Variants in EPB41L5 observed in about 807,000 individuals in gnomAD.
EPB41L5 encodes the protein band 4.1-like protein 5.
EPB41L5 carries 55 observed loss-of-function variants against 106.6 expected under a neutral mutation model. That is an observed-to-expected ratio of 0.52 (90% CI 0.42 to 0.65). The LOEUF is 0.65. EPB41L5 is among the 30% of genes least tolerant of loss of function. EPB41L5 has a pLI of 0.00. For synonymous variants in EPB41L5, 297 were observed against 306.7 expected (o/e 0.97, Z 0.33); for missense variants, 871 against 882.1 (o/e 0.99, Z 0.16).
At chr2:120,166,632 T>C (rs1687424376) in intron 22 of EPB41L5, among the ~76,000 whole-genome samples, 1 of 152,228 alleles carries the variant, frequency 6.6e-6, no homozygotes, top group South Asian at 2.1e-4. Context: ...GAGGCAGGGT[T>C]TCACCATGTT....
intron 16 of EPB41L5, among the ~76,000 whole-genome samples, chr2:120,109,140 C>G (rs1179701799): frequency 6.6e-6 from 1 of 152,086 alleles, no homozygotes; most frequent in Non-Finnish European, 1.5e-5. Context: ...CCTTGAATTT[C>G]TTGACCCTCT....
intron 20 of EPB41L5, among the ~76,000 whole-genome samples, chr2:120,148,868 T>C (rs909811625): frequency 6.6e-6 from 1 of 152,234 alleles, no homozygotes; most frequent in African/African-American, 2.4e-5. Context: ...CTCCTTAGTA[T>C]ATACCTAGGA....
At chr2:120,106,785 C>T (rs990652073) in intron 16 of EPB41L5, 2 of 985,268 alleles carry the variant, frequency 2.0e-6, no homozygotes, top group South Asian at 4.7e-5. Context: ...AGATCATCGT[C>T]TCTTTTTGTT....
chr2:120,066,250 A>G (rs1681436062), intron 3 of EPB41L5, among the ~76,000 whole-genome samples: 1 of 152,210 alleles, frequency 6.6e-6, no homozygotes, highest in African/African-American at 2.4e-5. Flanking sequence ...AATATAGGAA[A>G]GCACAAGGAA....
intron 16 of EPB41L5, chr2:120,106,693 T>A (rs1684472066): frequency 1.0e-6 from 1 of 985,196 alleles, no homozygotes; most frequent in Non-Finnish European, 1.2e-6. Context: ...TTTTGACTGT[T>A]TTTACAGTCA....
chr2:120,102,446 C>T (rs1224161578), intron 16 of EPB41L5, among the ~76,000 whole-genome samples: 2 of 152,006 alleles, frequency 1.3e-5, no homozygotes, highest in African/African-American at 4.8e-5. Context: ...GGGCATGGAA[C>T]TGAATATAGA....
At chr2:120,075,605 A>G (rs946707643) in intron 6 of EPB41L5, 85 bp downstream of exon 6, 2 of 1,423,570 alleles carry the variant, frequency 1.4e-6, no homozygotes, top group African/African-American at 2.8e-5. Flanking sequence ...AGTTGTAAAA[A>G]AGAAATGGTC....
intron 3 of EPB41L5, among the ~76,000 whole-genome samples, chr2:120,046,735 A>G (rs1679805943): frequency 6.6e-6 from 1 of 152,234 alleles, no homozygotes; most frequent in South Asian, 2.1e-4. Context: ...GTCCTTGCCC[A>G]TGCCTATATC....
chr2:120,167,601 G>A, intron 23 of EPB41L5, 94 bp downstream of exon 23: 1 of 1,332,730 alleles, frequency 7.5e-7, no homozygotes, highest in Non-Finnish European at 1.1e-6. Context: ...TTAAAAACAT[G>A]AGGGTTGTTA....
At chr2:120,043,846 TA>T (rs1679588593) in intron 3 of EPB41L5, among the ~76,000 whole-genome samples, 1 of 152,150 alleles carries the variant, frequency 6.6e-6, no homozygotes, top group African/African-American at 2.4e-5. Context: ...TGAATTTTTC[TA>T]TTTTTTAAAA....
At chr2:120,078,669 C>A in intron 10 of EPB41L5, 88 bp downstream of exon 10, 1 of 856,568 alleles carries the variant, frequency 1.2e-6, no homozygotes, top group Non-Finnish European at 1.8e-6. Context: ...GTTTGGAAAT[C>A]AAATAGTTTT....
intron 16 of EPB41L5, among the ~76,000 whole-genome samples, chr2:120,117,107 T>C (rs1442419527): frequency 6.6e-6 from 1 of 152,184 alleles, no homozygotes; most frequent in Non-Finnish European, 1.5e-5. Flanking sequence ...TTTCTTCAGG[T>C]TAAGAAATAG....
rs948141008 is a variant in EPB41L5 at position 120,175,619 on chromosome 2, G to A, written c.*712G>A. 9.2e-5 allele frequency: 14 copies of A among 151,974 alleles called. No individual in the cohort carries two copies. The highest frequency in any genetic ancestry group is 9.2e-4 in the Admixed American group (14 of 15,244). 9.4% of individuals were successfully genotyped at this position (151,974 alleles called of 1,614,324 possible). ...TTTTTTTCACCCTGCCTTTCCACAG[G>A]AAGCACTCACAGGCACCACACACGT... On this transcript the variant is annotated 3_prime_UTR_variant, in exon 25 of 25. Transcript: ENST00000263713.
intron 2 of EPB41L5, among the ~76,000 whole-genome samples, chr2:120,032,362 G>A (rs1187843312): frequency 6.6e-6 from 1 of 152,130 alleles, no homozygotes; most frequent in Non-Finnish European, 1.5e-5. Context: ...TGGGCAACAA[G>A]AGTGAAACTT....
chr2:120,167,172 A>AGGGG (rs1558918032), intron 22 of EPB41L5, among the ~76,000 whole-genome samples: 1 of 152,244 alleles, frequency 6.6e-6, no homozygotes, highest in Non-Finnish European at 1.5e-5. Flanking sequence ...GGTGTGAGGT[A>AGGGG]GGGGCAGTCC....
intron 21 of EPB41L5, among the ~76,000 whole-genome samples, chr2:120,163,069 T>C (rs1355281101): frequency 6.6e-6 from 1 of 151,998 alleles, no homozygotes; most frequent in African/African-American, 2.4e-5. Context: ...CTGGGCAACA[T>C]AGGGAGACCC....
At position 120,045,868 on chromosome 2, in the gene EPB41L5, C is replaced by G. The variant is rs77513800; in HGVS notation, c.285+3758C>G. Reference sequence around the variant, plus strand: ...TGTGATGCTCGCCTTCCCAAGTGTTCTCATTGTTCAGTTCCCACCTATGAG... The same window carrying G: ...TGTGATGCTCGCCTTCCCAAGTGTTGTCATTGTTCAGTTCCCACCTATGAG... On this transcript the variant is annotated intron_variant, in intron 3 of 24. Coordinates refer to ENST00000263713, the MANE Select transcript of EPB41L5 (RefSeq NM_020909.4). Among the ~76,000 whole-genome samples the G allele has an allele frequency of 5.2e-3, 784 of 150,256 alleles. 4 individuals carry two copies. Among genetic ancestry groups the G allele is most frequent in the African/African-American group, 0.018 (754 of 40,970 alleles).
intron 16 of EPB41L5, among the ~76,000 whole-genome samples, chr2:120,121,066 A>T (rs1303430611): frequency 6.6e-6 from 1 of 151,508 alleles, no homozygotes. Flanking sequence ...GCAGTGAGCC[A>T]AGATTGTGCC....
At chr2:120,042,265 C>T (rs576410439) in intron 3 of EPB41L5, among the ~76,000 whole-genome samples, 155 bp downstream of exon 3, 2 of 152,298 alleles carry the variant, frequency 1.3e-5, no homozygotes, top group African/African-American at 4.8e-5. Context: ...GCTTTAGCAT[C>T]ACCTGAAGTA....
Sources: allele counts gnomAD v4.1 joint callset (sites outside exome capture counted in the v4.1 genomes callset), GRCh38; gene constraint gnomAD v4.1.1; transcripts MANE v1.5; gene names NCBI Gene and HGNC (gene_info 2026-07-23, HGNC 2026-07-21).